SFI1: variants seen among roughly 807,000 people sequenced by gnomAD.
SFI1 encodes protein SFI1 homolog.
Under a neutral mutation model 207.5 loss-of-function variants are expected in SFI1, and 195 were observed. The observed-to-expected ratio is 0.94, with a 90% CI of 0.84 to 1.06. The LOEUF (loss-of-function observed/expected upper bound fraction) is 1.06. Ranked by LOEUF, SFI1 falls within the 50% of genes least tolerant of loss-of-function variation. The pLI is 0.00. For synonymous variants in SFI1, 630 were observed against 598.9 expected (o/e 1.05, Z -0.76); for missense variants, 1,634 against 1,588.0 (o/e 1.03, Z -0.49).
intron 2 of SFI1, among the ~76,000 whole-genome samples, chr22:31,520,015 C>T (rs1049408590): frequency 3.9e-5 from 6 of 152,028 alleles, no homozygotes; most frequent in Non-Finnish European, 8.8e-5. Flanking sequence ...ATCCACCCGC[C>T]TCAGCCTCCC....
chr22:31,545,830 C>T (rs1054092622), intron 4 of SFI1, among the ~76,000 whole-genome samples: 13 of 147,306 alleles, frequency 8.8e-5, no homozygotes, highest in East Asian at 2.0e-4. Flanking sequence ...CCACCTGCCT[C>T]GGCCTCCCAA....
At chr22:31,613,065 A>G in intron 24 of SFI1, 77 bp from the exon 25 acceptor site, 1 of 1,503,500 alleles carries the variant, frequency 6.7e-7, no homozygotes, top group Non-Finnish European at 9.1e-7. Flanking sequence ...AAGAGGGACG[A>G]GCTGGGCAGG....
At chr22:31,531,020 A>G in intron 3 of SFI1, 38 bp from the exon 4 acceptor site, 1 of 1,565,064 alleles carries the variant, frequency 6.4e-7, no homozygotes, top group Non-Finnish European at 8.8e-7. Context: ...GCCAAATGGA[A>G]TTTTAAAATA....
intron 3 of SFI1, chr22:31,530,631 C>T (rs573272347): frequency 5.5e-5 from 26 of 471,170 alleles, no homozygotes; most frequent in Non-Finnish European, 9.2e-5. Flanking sequence ...ACCCTGTGAG[C>T]TGATCTCTGT....
intron 6 of SFI1, 117 bp from the exon 7 acceptor site, chr22:31,556,825 G>T (rs181762047): frequency 8.3e-6 from 5 of 603,414 alleles, no homozygotes; most frequent in East Asian, 2.8e-5. Context: ...TCCAGCAGGG[G>T]TCACTTGTAG....
At chr22:31,537,563 C>T (rs1398145478) in intron 4 of SFI1, among the ~76,000 whole-genome samples, 1 of 152,118 alleles carries the variant, frequency 6.6e-6, no homozygotes, top group Non-Finnish European at 1.5e-5. Flanking sequence ...TTAAGGAGAC[C>T]TGAGCTTCGG....
chr22:31,584,080 A>G, intron 13 of SFI1, 108 bp downstream of exon 13: 1 of 942,184 alleles, frequency 1.1e-6, no homozygotes, highest in Non-Finnish European at 1.7e-6. Context: ...GCAGATTCAG[A>G]AAGGCCTGCT....
chr22:31,541,510 A>G (rs899060002), intron 4 of SFI1, among the ~76,000 whole-genome samples: 1 of 152,120 alleles, frequency 6.6e-6, no homozygotes, highest in African/African-American at 2.4e-5. Context: ...TAATCCCAGC[A>G]CTTTGGGAGG....
chr22:31,498,108 C>T (rs1457191096), intron 1 of SFI1, among the ~76,000 whole-genome samples: 1 of 152,150 alleles, frequency 6.6e-6, no homozygotes, highest in Non-Finnish European at 1.5e-5. Flanking sequence ...GCCTGGCCAA[C>T]ATAGTGAAAC....
Position 31,496,651 on chromosome 22 carries a change from C to G in SFI1, c.-31+14C>G, listed in dbSNP as rs571762409. The G allele has an allele frequency of 6.6e-6, 1 of 152,422 alleles. No individual in the cohort carries two copies. The highest frequency in any genetic ancestry group is 2.1e-4 in the South Asian group (1 of 4,832). The allele number at this position is 152,422 out of a possible 1,614,324, so 9.4% of individuals were successfully genotyped here. A position where few individuals can be genotyped will look rare whatever the true frequency, so the allele number is the denominator to read the frequency against. The stretch of plus-strand genomic sequence containing the variant: ...CGGCTTCCCCAGGTACGAGGCCCGG[C>G]CCTAACGTCCCCACCCTCTTCTGGG... On this transcript the variant is annotated intron_variant, in intron 1 of 32. Coordinates refer to ENST00000400288, the MANE Select transcript of SFI1 (RefSeq NM_001007467.3).
chr22:31,575,085 CGTGTGTGT>C (rs71679890), intron 9 of SFI1, 138 bp from the exon 10 acceptor site: 8,541 of 284,496 alleles, frequency 0.03, 131 homozygotes, highest in South Asian at 0.053. Context: ...AAACTTAGTG[CGTGTGTGT>C]GTGTGTGTGT....
At chr22:31,533,651 T>C (rs1199239409) in intron 4 of SFI1, among the ~76,000 whole-genome samples, 1 of 152,192 alleles carries the variant, frequency 6.6e-6, no homozygotes, top group African/African-American at 2.4e-5. Context: ...TCCCTTGTTT[T>C]CAGCTGTAGC....
chr22:31,543,680 C>A (rs1311549219), intron 4 of SFI1, among the ~76,000 whole-genome samples: 1 of 151,836 alleles, frequency 6.6e-6, no homozygotes, highest in East Asian at 1.9e-4. Context: ...CATGGTGGCA[C>A]ACGCCTGTAG....
At chr22:31,550,200 C>G in intron 5 of SFI1, 54 bp from the exon 6 acceptor site, 1 of 1,461,008 alleles carries the variant, frequency 6.8e-7, no homozygotes, top group South Asian at 1.2e-5. Context: ...TGTGAGCCAC[C>G]GCGCCCGGCC....
chr22:31,503,997 A>G lies in SFI1; in HGVS notation c.-30-4258A>G, dbSNP rs189493911. On this transcript the variant is annotated intron_variant, in intron 1 of 32. Coordinates refer to ENST00000400288, the MANE Select transcript of SFI1 (RefSeq NM_001007467.3). The stretch of plus-strand genomic sequence containing the variant: ...AAACCTGTGTCCTAGTTTTTCCAGT[A>G]TATGTGTATTTTATCTGTGAGGTTA... 5.3e-5 allele frequency among the ~76,000 whole-genome samples: 8 copies of G among 152,210 alleles called. No homozygotes were observed. The East Asian group carries it at 1.5e-3, about 29-fold the overall frequency.
intron 27 of SFI1, 109 bp downstream of exon 27, chr22:31,613,964 C>A: frequency 7.3e-7 from 1 of 1,362,400 alleles, no homozygotes; most frequent in Non-Finnish European, 9.7e-7. Context: ...TGGTCACGGC[C>A]TTGTCACAGC....
intron 8 of SFI1, among the ~76,000 whole-genome samples, chr22:31,563,580 T>TTTG (rs149578047): frequency 0.35 from 53,596 of 151,472 alleles, 10,275 homozygotes; most frequent in East Asian, 0.51. Flanking sequence ...CCTTTTCTTG[T>TTTG]TTGTTGTTGT....
intron 7 of SFI1, among the ~76,000 whole-genome samples, chr22:31,558,909 T>C (rs965683627): frequency 6.6e-6 from 1 of 152,192 alleles, no homozygotes; most frequent in African/African-American, 2.4e-5. Flanking sequence ...CTCTGCTTCC[T>C]GGGTTCAAGT....
At chr22:31,534,442 C>T (rs1303962083) in intron 4 of SFI1, among the ~76,000 whole-genome samples, 1 of 152,166 alleles carries the variant, frequency 6.6e-6, no homozygotes, top group Non-Finnish European at 1.5e-5. Flanking sequence ...TTTCTTCTCA[C>T]ATCTCCAGGT....
Sources: gnomAD v4.1 joint callset for allele counts (sites outside exome capture counted in the v4.1 genomes callset) on GRCh38, gnomAD v4.1.1 for gene constraint, MANE v1.5 for transcripts, NCBI Gene and HGNC (gene_info 2026-07-23, HGNC 2026-07-21) for gene names.